DPY19L4: variants seen among roughly 807,000 people sequenced by gnomAD.
DPY19L4 encodes the protein dpy-19 like 4.
Under a neutral mutation model 102.8 loss-of-function variants are expected in DPY19L4, and 97 were observed. That is an observed-to-expected ratio of 0.94 (90% confidence interval 0.80 to 1.12). The LOEUF is 1.12. Among genes scored for constraint, DPY19L4 ranks in the 50% most tolerant of loss-of-function variants. DPY19L4 has a pLI of 0.00. For missense variants in DPY19L4, 815 were observed against 850.4 expected (o/e 0.96, Z 0.52); for synonymous variants, 252 against 283.1 (o/e 0.89, Z 1.10).
intron 7 of DPY19L4, among the ~76,000 whole-genome samples, chr8:94,760,163 A>G (rs1220169905): frequency 1.3e-5 from 2 of 152,228 alleles, no homozygotes; most frequent in Non-Finnish European, 2.9e-5. Context: ...TTTTTACTGT[A>G]TGCTCTTAGA....
chr8:94,747,372 G>C (rs1394058448), intron 6 of DPY19L4, among the ~76,000 whole-genome samples: 1 of 150,566 alleles, frequency 6.6e-6, no homozygotes, highest in Non-Finnish European at 1.5e-5. Flanking sequence ...GTTTTTATTT[G>C]GCAATGTAGC....
In DPY19L4 at chr8:94,726,406, T is replaced by A. The variant is rs375072866; in HGVS notation, c.92T>A (p.Ile31Asn). 1.6e-5 allele frequency: 26 copies of A among 1,610,576 alleles called. No individual in the cohort carries two copies. Among genetic ancestry groups the A allele is most frequent in the Non-Finnish European group, 2.2e-5 (26 of 1,179,246 alleles). The change falls in exon 2 of 19, where the codon ATC becomes AAC. Residue 31 changes from isoleucine to asparagine, a missense_variant. Transcript: ENST00000414645. ...ENKESAKEEK[I>N]SDIPIPERAP... The stretch of plus-strand genomic sequence containing the variant: ...AAGGAATCTGCCAAAGAAGAGAAAA[T>A]CAGTGACATTCCAATTCCTGAAAGA...
At chr8:94,750,458 T>C (rs1586354576) in intron 6 of DPY19L4, among the ~76,000 whole-genome samples, 1 of 152,344 alleles carries the variant, frequency 6.6e-6, no homozygotes, top group East Asian at 1.9e-4. Context: ...AGATTTGCTA[T>C]AATACTGAAT....
intron 1 of DPY19L4, chr8:94,720,281 C>T (rs1810400293): frequency 2.0e-6 from 2 of 983,638 alleles, no homozygotes; most frequent in Non-Finnish European, 2.4e-6. Flanking sequence ...GAAAGCTGTG[C>T]CGGGAGTGGT....
At chr8:94,746,234 G>C (rs1244272527) in intron 6 of DPY19L4, among the ~76,000 whole-genome samples, 1 of 149,488 alleles carries the variant, frequency 6.7e-6, no homozygotes, top group African/African-American at 2.5e-5. Context: ...GCTAATTTTT[G>C]TATTTTAGTA....
chr8:94,756,101 CAT>C lies in DPY19L4; in HGVS notation c.678_679del (p.Cys227ProfsTer39). ...GAAAACTGGGCACTACCATATTTTG[CAT>C]GCCAAATTGCTGCACTTACAGGCTA... On this transcript the variant is annotated frameshift_variant, in exon 7 of 19. Coordinates refer to ENST00000414645, the MANE Select transcript of DPY19L4 (RefSeq NM_181787.3). LOFTEE classifies it high-confidence loss of function. 6.2e-7 allele frequency: 1 copy of C among 1,613,716 alleles called. No individual in the cohort carries two copies. The highest frequency in any genetic ancestry group is 1.1e-5 in the South Asian group (1 of 91,036).
At chr8:94,776,290 C>T (rs1170237066) in intron 13 of DPY19L4, among the ~76,000 whole-genome samples, 1 of 151,842 alleles carries the variant, frequency 6.6e-6, no homozygotes, top group Non-Finnish European at 1.5e-5. Context: ...GCCTCGGCCT[C>T]TTAATTTGCT....
chr8:94,741,119 T>C (rs1392396821), intron 6 of DPY19L4, among the ~76,000 whole-genome samples: 1 of 152,226 alleles, frequency 6.6e-6, no homozygotes, highest in Non-Finnish European at 1.5e-5. Context: ...TTGAAATATA[T>C]GGTAGATTAT....
At chr8:94,787,408 G>A (rs1813701638) in intron 17 of DPY19L4, among the ~76,000 whole-genome samples, 1 of 152,048 alleles carries the variant, frequency 6.6e-6, no homozygotes, top group Non-Finnish European at 1.5e-5. Context: ...AGTGGACGTG[G>A]GAACTGAAGG....
At chr8:94,740,733 G>C (rs142754108) in intron 6 of DPY19L4, among the ~76,000 whole-genome samples, 4,351 of 152,270 alleles carry the variant, frequency 0.029, 97 homozygotes, top group Non-Finnish European at 0.04. Flanking sequence ...GGGATTACAG[G>C]TGTGAGCCAC....
At chr8:94,720,393 T>G (rs1406856497) in intron 1 of DPY19L4, among the ~76,000 whole-genome samples, 1 of 152,074 alleles carries the variant, frequency 6.6e-6, no homozygotes, top group Non-Finnish European at 1.5e-5. Context: ...TGGAATGCGA[T>G]TTTTAAAGGG....
At position 94,789,929 on chromosome 8, in the gene DPY19L4, T is replaced by G. The variant is rs894786610; in HGVS notation, c.*19T>G. 6.3e-7 allele frequency: 1 copy of G among 1,580,416 alleles called. No individual in the cohort carries two copies. The highest frequency in any genetic ancestry group is 8.5e-7 in the Non-Finnish European group (1 of 1,169,952). On this transcript the variant is annotated 3_prime_UTR_variant, in exon 19 of 19. Transcript: ENST00000414645. ...GTCTTGAAAAATAACAGAGCCTTCA[T>G]TTCAAAGACTACCTGAAGTAAAATG...
rs532405753 is a variant in DPY19L4 at position 94,760,534 on chromosome 8, G to A, written c.736-1166G>A. ...CTCTGGTCTTAATCTTATTCAGGAT[G>A]CTGGAAAATTATTTTATCTGCTGAT... On this transcript the variant is annotated intron_variant, in intron 7 of 18. Coordinates refer to ENST00000414645, the MANE Select transcript of DPY19L4 (RefSeq NM_181787.3). 7.9e-5 allele frequency among the ~76,000 whole-genome samples: 12 copies of A among 152,290 alleles called. No homozygotes were observed. In the East Asian group the frequency reaches 2.3e-3, roughly 29 times the overall value.
intron 16 of DPY19L4, 93 bp from the exon 17 acceptor site, chr8:94,783,577 G>T: frequency 6.9e-7 from 1 of 1,448,068 alleles, no homozygotes. Context: ...TGTAAACATT[G>T]TAAGTTGTCT....
Position 94,744,318 on chromosome 8 carries a change from T to G in DPY19L4, c.611+4528T>G, listed in dbSNP as rs1270172926. The G allele has an allele frequency of 1.1e-5, 5 of 456,192 alleles. No homozygotes were observed. The Admixed American group carries it at 1.2e-4, about 11-fold the overall frequency. 28.3% of individuals were successfully genotyped at this position (456,192 alleles called of 1,614,324 possible). A position where few individuals can be genotyped will look rare whatever the true frequency, so the allele number is the denominator to read the frequency against. On this transcript the variant is annotated intron_variant, in intron 6 of 18. Coordinates refer to ENST00000414645, the MANE Select transcript of DPY19L4 (RefSeq NM_181787.3). ...GGCTTTTGGCCAGGGAGGCCTTAAT[T>G]TCTTACATATGGGCCTCTCCATAGG... is the stretch of plus-strand genomic sequence containing the variant.
intron 15 of DPY19L4, 44 bp downstream of exon 15, chr8:94,780,459 A>G (rs757573416): frequency 4.1e-6 from 5 of 1,234,206 alleles, no homozygotes; most frequent in Non-Finnish European, 5.4e-6. Flanking sequence ...TACTTTATCT[A>G]CAAAGGTAGT....
At chr8:94,746,715 T>C (rs1013017389) in intron 6 of DPY19L4, among the ~76,000 whole-genome samples, 2 of 152,328 alleles carry the variant, frequency 1.3e-5, no homozygotes, top group East Asian at 1.9e-4. Flanking sequence ...TACTTAAATG[T>C]GCTATAAAAT....
intron 3 of DPY19L4, among the ~76,000 whole-genome samples, chr8:94,737,434 C>T (rs1020847856): frequency 2.1e-4 from 32 of 151,956 alleles, no homozygotes; most frequent in African/African-American, 7.2e-4. Flanking sequence ...CTTCGGCCTC[C>T]GAAAGTGCTG....
In DPY19L4 at chr8:94,791,925, A is replaced by G. The variant is rs1383760972; in HGVS notation, c.*2015A>G. 2 of 152,228 alleles carry G rather than the reference A, an allele frequency of 1.3e-5. No individual in the cohort carries two copies. The highest frequency in any genetic ancestry group is 2.4e-5 in the African/African-American group (1 of 41,470). The allele number at this position is 152,228 out of a possible 1,614,324, so 9.4% of individuals were successfully genotyped here. A position where few individuals can be genotyped will look rare whatever the true frequency, so the allele number is the denominator to read the frequency against. On this transcript the variant is annotated 3_prime_UTR_variant, in exon 19 of 19. Transcript: ENST00000414645. The stretch of plus-strand genomic sequence containing the variant: ...AAAGCTTCATTATGGAAATGACAAT[A>G]TTGAATATGACAGATAAGTTTATTT...
Sources: gnomAD v4.1 joint callset for allele counts (sites outside exome capture counted in the v4.1 genomes callset) on GRCh38, gnomAD v4.1.1 for gene constraint, MANE v1.5 for transcripts, NCBI Gene and HGNC (gene_info 2026-07-23, HGNC 2026-07-21) for gene names.